The following EPHB1 variants were observed in gnomAD, a reference collection of about 807,000 sequenced individuals.
The protein encoded by EPHB1 is ephrin type-B receptor 1.
In EPHB1, 30 loss-of-function variants were observed where a neutral mutation model predicts 94.4. The observed-to-expected ratio is 0.32, with a 90% CI of 0.24 to 0.43. The LOEUF is 0.43. Among genes scored for constraint, EPHB1 ranks in the 20% least tolerant of loss-of-function variants. The probability of loss-of-function intolerance (pLI) is 1.00; values close to 1 mark genes in which losing one functional copy is unlikely to be tolerated. For synonymous variants in EPHB1, 522 were observed against 489.1 expected (o/e 1.07, Z -0.89); for missense variants, 1,055 against 1,308.3 (o/e 0.81, Z 2.99).
intron 1 of EPHB1, among the ~76,000 whole-genome samples, chr3:134,920,025 C>G (rs2038651975): frequency 1.3e-5 from 2 of 152,038 alleles, no homozygotes; most frequent in Admixed American, 6.6e-5. Flanking sequence ...CACATTGTAC[C>G]TATGAGTCCA....
chr3:135,045,786 G>C (rs1322762621), intron 3 of EPHB1, among the ~76,000 whole-genome samples: 1 of 152,102 alleles, frequency 6.6e-6, no homozygotes, highest in Non-Finnish European at 1.5e-5. Flanking sequence ...CAAGCCAGAG[G>C]TAAAAGTTCC....
At chr3:135,010,866 G>T (rs1935597322) in intron 3 of EPHB1, among the ~76,000 whole-genome samples, 1 of 152,078 alleles carries the variant, frequency 6.6e-6, no homozygotes, top group South Asian at 2.1e-4. Context: ...CCGGCCGAGG[G>T]TCTGTATTTC....
intron 1 of EPHB1, among the ~76,000 whole-genome samples, chr3:134,818,615 A>G (rs2036316192): frequency 1.3e-5 from 2 of 152,158 alleles, no homozygotes; most frequent in African/African-American, 4.8e-5. Flanking sequence ...GCTCCCACGT[A>G]TCAGTTTCCA....
intron 3 of EPHB1, among the ~76,000 whole-genome samples, chr3:135,022,048 C>T (rs1429424752): frequency 6.6e-6 from 1 of 152,146 alleles, no homozygotes; most frequent in Non-Finnish European, 1.5e-5. Flanking sequence ...GGCACGATCT[C>T]GGCTCACTGC....
chr3:134,872,863 T>A (rs981201204), intron 1 of EPHB1, among the ~76,000 whole-genome samples: 1 of 152,198 alleles, frequency 6.6e-6, no homozygotes, highest in Non-Finnish European at 1.5e-5. Flanking sequence ...CGGTATCCCT[T>A]GTCTAGTACG....
At chr3:135,104,236 A>G (rs1179937144) in intron 3 of EPHB1, among the ~76,000 whole-genome samples, 2 of 152,196 alleles carry the variant, frequency 1.3e-5, no homozygotes, top group African/African-American at 4.8e-5. Flanking sequence ...AAAAGAGCCA[A>G]GTGTTTCTCA....
chr3:134,890,336 C>T (rs1353204321), intron 1 of EPHB1, among the ~76,000 whole-genome samples: 1 of 152,196 alleles, frequency 6.6e-6, no homozygotes, highest in Non-Finnish European at 1.5e-5. Flanking sequence ...AGAGATCCAT[C>T]CATGTTGAGA....
chr3:134,953,564 CCAGGCTGAGTTCTTAAAGGCA>C, intron 3 of EPHB1, among the ~76,000 whole-genome samples: 1 of 152,232 alleles, frequency 6.6e-6, no homozygotes, highest in Admixed American at 6.5e-5. Context: ...GACCAAGGCA[CCAGGCTGAGTTCTTAAAGGCA>C]CAGGTGCAGC....
Position 134,795,698 on chromosome 3 carries a change from C to G in EPHB1, c.58+9C>G. 1 of 1,609,086 alleles carries G rather than the reference C, an allele frequency of 6.2e-7. No homozygotes were observed. Among genetic ancestry groups the G allele is most frequent in the Non-Finnish European group, 8.5e-7 (1 of 1,178,076 alleles). ...AGTGGCTGCGATGGAAGGTAACGTACCCTCCACGGAGCAAGTTGGCTGCTG... is the reference window on the plus strand; with the variant it reads ...AGTGGCTGCGATGGAAGGTAACGTAGCCTCCACGGAGCAAGTTGGCTGCTG... On this transcript the variant is annotated intron_variant, in intron 1 of 15. Transcript: ENST00000398015.
chr3:135,212,234 C>T (rs1026597962), intron 12 of EPHB1, among the ~76,000 whole-genome samples: 1 of 151,902 alleles, frequency 6.6e-6, no homozygotes, highest in Non-Finnish European at 1.5e-5. Context: ...TTTTCTTTAC[C>T]TCATTGACCA....
At chr3:135,110,931 G>A (rs1486914862) in intron 4 of EPHB1, among the ~76,000 whole-genome samples, 3 of 152,230 alleles carry the variant, frequency 2.0e-5, no homozygotes, top group Non-Finnish European at 4.4e-5. Flanking sequence ...CTGCCCAGGA[G>A]TGGGACATTC....
At chr3:135,139,934 G>A (rs1198362529) in intron 5 of EPHB1, among the ~76,000 whole-genome samples, 13 of 152,154 alleles carry the variant, frequency 8.5e-5, no homozygotes, top group Non-Finnish European at 1.5e-5. Context: ...CTCCTTCCAG[G>A]TTGTGAGCAG....
At chr3:135,088,895 TA>T (rs749311228) in intron 3 of EPHB1, among the ~76,000 whole-genome samples, 7 of 152,358 alleles carry the variant, frequency 4.6e-5, no homozygotes, top group Middle Eastern at 3.4e-3. Flanking sequence ...TAACTGCTAT[TA>T]ATACTTTTAA....
At chr3:135,188,766 C>G (rs2107708440) in intron 10 of EPHB1, among the ~76,000 whole-genome samples, 1 of 152,308 alleles carries the variant, frequency 6.6e-6, no homozygotes, top group Middle Eastern at 3.4e-3. Context: ...ACTCAGGGGC[C>G]TACTTAATTA....
chr3:134,837,071 T>C (rs1014324408), intron 1 of EPHB1, among the ~76,000 whole-genome samples: 5 of 152,236 alleles, frequency 3.3e-5, no homozygotes, highest in African/African-American at 1.2e-4. Context: ...GGAGTTGATA[T>C]TGTAAAAGGA....
chr3:135,157,779 A>G (rs993303054), intron 6 of EPHB1, among the ~76,000 whole-genome samples: 1 of 152,250 alleles, frequency 6.6e-6, no homozygotes, highest in African/African-American at 2.4e-5. Flanking sequence ...TTTTGAAACA[A>G]TGATGATAAT....
chr3:135,101,437 G>A (rs191248084), intron 3 of EPHB1, among the ~76,000 whole-genome samples: 2 of 151,768 alleles, frequency 1.3e-5, no homozygotes, highest in East Asian at 1.9e-4. Context: ...GCAGTGGCGC[G>A]ATCTTGGCTC....
chr3:135,106,605 T>C lies in EPHB1; in HGVS notation c.961+2T>C. On this transcript the variant is annotated splice_donor_variant, in intron 4 of 15. Coordinates refer to ENST00000398015, the MANE Select transcript of EPHB1 (RefSeq NM_004441.5). LOFTEE classifies it high-confidence loss of function. ...ACCCTCCAGAAGTGGCATGCACTAG[T>C]AAGTGTCTAGTAATGGCTCTGGGCT... 6.2e-7 allele frequency: 1 copy of C among 1,613,964 alleles called. No individual in the cohort carries two copies. The highest frequency in any genetic ancestry group is 1.1e-5 in the South Asian group (1 of 91,082).
chr3:135,241,946 C>T (rs1576494362), intron 13 of EPHB1, among the ~76,000 whole-genome samples: 1 of 152,150 alleles, frequency 6.6e-6, no homozygotes, highest in African/African-American at 2.4e-5. Context: ...TCAACACTCC[C>T]CCAGGATGCC....
Sources: gnomAD v4.1 joint callset for allele counts (sites outside exome capture counted in the v4.1 genomes callset) on GRCh38, gnomAD v4.1.1 for gene constraint, MANE v1.5 for transcripts, NCBI Gene and HGNC (gene_info 2026-07-23, HGNC 2026-07-21) for gene names.